KCNIP1: variants seen among roughly 807,000 people sequenced by gnomAD.
KCNIP1 encodes potassium voltage-gated channel interacting protein 1, also known as A-type potassium channel modulatory protein KCNIP1.
In KCNIP1, 18 loss-of-function variants were observed where a neutral mutation model predicts 33.0. That is an observed-to-expected ratio of 0.55 (90% CI 0.38 to 0.81). KCNIP1 has a LOEUF of 0.81. KCNIP1 is among the 30% of genes least tolerant of loss of function. KCNIP1 has a pLI of 0.00. For synonymous variants in KCNIP1, 93 were observed against 98.3 expected (o/e 0.95, Z 0.32); for missense variants, 238 against 271.6 (o/e 0.88, Z 0.87).
At chr5:170,367,408 A>AG (rs760098442) in intron 1 of KCNIP1, among the ~76,000 whole-genome samples, 48 of 116,778 alleles carry the variant, frequency 4.1e-4, no homozygotes, top group African/African-American at 8.0e-4. Flanking sequence ...AAAGAAAGAA[A>AG]GAAAGAAAGA....
At chr5:170,388,429 T>C (rs1764574504) in intron 1 of KCNIP1, among the ~76,000 whole-genome samples, 1 of 152,202 alleles carries the variant, frequency 6.6e-6, no homozygotes, top group African/African-American at 2.4e-5. Flanking sequence ...GTTTCAGCTA[T>C]CATAGGAGGG....
intron 1 of KCNIP1, among the ~76,000 whole-genome samples, chr5:170,405,476 T>G (rs1246994774): frequency 6.6e-6 from 1 of 152,204 alleles, no homozygotes; most frequent in African/African-American, 2.4e-5. Context: ...AGTGCTGGGA[T>G]TATCAGCCTG....
intron 1 of KCNIP1, chr5:170,383,742 C>T: frequency 6.2e-7 from 1 of 1,614,194 alleles, no homozygotes; most frequent in Non-Finnish European, 8.5e-7. Context: ...CGGCAGCTGA[C>T]ACGTTGACCC....
intron 1 of KCNIP1, among the ~76,000 whole-genome samples, chr5:170,451,622 T>C (rs1346216310): frequency 1.3e-5 from 2 of 151,950 alleles, no homozygotes; most frequent in African/African-American, 2.4e-5. Flanking sequence ...TGCAAGCTAA[T>C]TGATAGTGAG....
intron 1 of KCNIP1, among the ~76,000 whole-genome samples, chr5:170,681,852 T>G (rs1326160452): frequency 6.6e-6 from 1 of 152,236 alleles, no homozygotes; most frequent in Non-Finnish European, 1.5e-5. Flanking sequence ...TTTTTCCTCC[T>G]TATGAGATAT....
intron 1 of KCNIP1, among the ~76,000 whole-genome samples, chr5:170,513,471 G>A (rs1755016157): frequency 2.0e-5 from 3 of 152,232 alleles, no homozygotes; most frequent in Admixed American, 1.3e-4. Context: ...GATGATGTAC[G>A]CCCATTAAGT....
At chr5:170,691,772 C>T (rs1355077165) in intron 1 of KCNIP1, among the ~76,000 whole-genome samples, 1 of 152,118 alleles carries the variant, frequency 6.6e-6, no homozygotes, top group African/African-American at 2.4e-5. Context: ...CCAGCAGGGT[C>T]CCCTGAGCGT....
chr5:170,724,105 A>G (rs1274552643), intron 5 of KCNIP1, among the ~76,000 whole-genome samples: 1 of 152,248 alleles, frequency 6.6e-6, no homozygotes, highest in African/African-American at 2.4e-5. Context: ...CTTAAAAAGA[A>G]TCAGAAAATC....
chr5:170,443,821 G>A (rs115177235), intron 1 of KCNIP1, among the ~76,000 whole-genome samples: 1,951 of 152,282 alleles, frequency 0.013, 42 homozygotes, highest in African/African-American at 0.044. Flanking sequence ...GGCAGCAGGC[G>A]GGGGGTGCCC....
intron 7 of KCNIP1, among the ~76,000 whole-genome samples, chr5:170,735,451 T>C (rs1764353776): frequency 6.6e-6 from 1 of 152,188 alleles, no homozygotes; most frequent in South Asian, 2.1e-4. Flanking sequence ...TTAATCACAT[T>C]AATAGAATAA....
At position 170,718,827 on chromosome 5, in the gene KCNIP1, C is replaced by T; in HGVS notation, c.131C>T (p.Ala44Val). The stretch of plus-strand genomic sequence containing the variant: ...CCCGAGGGACTGGAGCAGCTCGAGG[C>T]CCAGACCAACTTCACCAAGAGGGAG... ...HRPEGLEQLE[A>V]QTNFTKRELQ... Residue 44 changes from alanine to valine, a missense_variant, in exon 2 of 8, where the codon GCC (alanine) becomes GTC (valine). By Grantham distance (64) the Ala-to-Val change is moderately conservative (BLOSUM62 0). Transcript: ENST00000328939. 2 of 1,610,012 alleles carry T rather than the reference C, an allele frequency of 1.2e-6. No individual in the cohort carries two copies. Among genetic ancestry groups the T allele is most frequent in the African/African-American group, 2.7e-5 (2 of 74,380 alleles).
chr5:170,446,010 T>G (rs1444871936), intron 1 of KCNIP1, among the ~76,000 whole-genome samples: 1 of 152,220 alleles, frequency 6.6e-6, no homozygotes, highest in Non-Finnish European at 1.5e-5. Context: ...TTCATAAGCA[T>G]GCAGCCTGAC....
At chr5:170,535,050 C>G (rs919077508) in intron 1 of KCNIP1, among the ~76,000 whole-genome samples, 1 of 152,198 alleles carries the variant, frequency 6.6e-6, no homozygotes. Flanking sequence ...TGGCTGCAGA[C>G]CCTATTGTAG....
At chr5:170,559,911 A>C (rs1003389837) in intron 1 of KCNIP1, among the ~76,000 whole-genome samples, 1 of 152,148 alleles carries the variant, frequency 6.6e-6, no homozygotes, top group South Asian at 2.1e-4. Context: ...CCTTGACCAC[A>C]TTTCTCACTC....
chr5:170,478,141 G>A (rs1171626882), intron 1 of KCNIP1, among the ~76,000 whole-genome samples: 1 of 152,180 alleles, frequency 6.6e-6, no homozygotes, highest in East Asian at 1.9e-4. Context: ...AAGCCAGAGA[G>A]GCAACAGTGG....
intron 6 of KCNIP1, among the ~76,000 whole-genome samples, 200 bp downstream of exon 6, chr5:170,733,104 A>G (rs1764260348): frequency 6.6e-6 from 1 of 152,252 alleles, no homozygotes; most frequent in Non-Finnish European, 1.5e-5. Context: ...ACAAGAAAGT[A>G]TATTATTAAA....
At chr5:170,385,503 C>T (rs1051508706) in intron 1 of KCNIP1, 6 of 1,602,636 alleles carry the variant, frequency 3.7e-6, no homozygotes, top group Admixed American at 3.3e-5. Flanking sequence ...GAAGTGAGAT[C>T]AGCCCAGTTC....
rs113098073 is a variant in KCNIP1, at chr5:170,715,865, T to C, written c.62-2893T>C. ...GACTAGCAACATCTGGCATCAGACT[T>C]TGAACAAACCTCAGAAGGAACTGTC... On this transcript the variant is annotated intron_variant, in intron 1 of 7. Coordinates refer to ENST00000328939, the MANE Select transcript of KCNIP1 (RefSeq NM_014592.4). Among the ~76,000 whole-genome samples the C allele has an allele frequency of 3.6e-3, 546 of 152,310 alleles. 2 individuals are homozygous for C. The highest frequency in any genetic ancestry group is 0.012 in the African/African-American group (500 of 41,562).
intron 1 of KCNIP1, among the ~76,000 whole-genome samples, chr5:170,603,934 G>T (rs1000301432): frequency 6.6e-6 from 1 of 152,232 alleles, no homozygotes; most frequent in East Asian, 1.9e-4. Flanking sequence ...GTAGATTCAG[G>T]GAGAAACAGG....
Sources: gnomAD v4.1 joint callset for allele counts (sites outside exome capture counted in the v4.1 genomes callset) on GRCh38, gnomAD v4.1.1 for gene constraint, MANE v1.5 for transcripts, NCBI Gene and HGNC (gene_info 2026-07-23, HGNC 2026-07-21) for gene names.